Variants in NCOA6 observed in about 807,000 individuals in gnomAD.
NCOA6 encodes the protein nuclear receptor coactivator 6, also known as NRC RAP250.
In NCOA6, 49 loss-of-function variants were observed where a neutral mutation model predicts 171.4. That is an observed-to-expected ratio of 0.29 (90% CI 0.23 to 0.36). The LOEUF is 0.36. Ranked by LOEUF, NCOA6 falls within the 10% of genes least tolerant of loss-of-function variation. The pLI is 1.00. For synonymous variants in NCOA6, 910 were observed against 927.5 expected, an observed-to-expected ratio of 0.98 and a Z score of 0.34; for missense variants, 2,248 against 2,554.5, an observed-to-expected ratio of 0.88 and a Z score of 2.59.
chr20:34,788,003 A>G (rs2077739092), intron 2 of NCOA6, among the ~76,000 whole-genome samples: 1 of 151,834 alleles, frequency 6.6e-6, no homozygotes, highest in South Asian at 2.1e-4. Flanking sequence ...GTTAGCTGAG[A>G]CTACAGGCAG....
In NCOA6 at chr20:34,749,610, T is replaced by A; in HGVS notation, c.2585A>T (p.Asn862Ile). 1.2e-6 allele frequency: 2 copies of A among 1,614,204 alleles called. No homozygotes were observed. Among genetic ancestry groups the A allele is most frequent in the Admixed American group, 1.7e-5 (1 of 60,032 alleles). Residue 862 changes from asparagine (N) to isoleucine (I), a missense_variant, in exon 9 of 15, where the codon AAT (asparagine) becomes ATT (isoleucine). Asn to Ile is a moderately radical substitution (Grantham distance 149, BLOSUM62 -3). Around this residue, in one of 7 missense-constraint regions of NCOA6, gnomAD observed 987 missense variants for 1,104.7 expected, o/e 0.89. Coordinates refer to ENST00000359003, the MANE Select transcript of NCOA6 (RefSeq NM_014071.5). ...SFNAPFSGAP[N>I]GNQMSCGQNP... The stretch of plus-strand genomic sequence containing the variant: ...TTGACCACAGGACATCTGATTTCCA[T>A]TGGGAGCTCCACTGAAAGGTGCATT...
intron 1 of NCOA6, among the ~76,000 whole-genome samples, chr20:34,813,066 G>A (rs557574752): frequency 8.0e-4 from 121 of 152,050 alleles, no homozygotes; most frequent in Non-Finnish European, 1.3e-3. Flanking sequence ...GGCTGAGGCA[G>A]GAGAATTGCT....
chr20:34,736,702 C>T lies in NCOA6; in HGVS notation c.5950G>A (p.Val1984Ile). The T allele has an allele frequency of 6.2e-7, 1 of 1,608,848 alleles. No homozygotes were observed. Among genetic ancestry groups the T allele is most frequent in the Non-Finnish European group, 8.5e-7 (1 of 1,177,174 alleles). The part of the protein sequence containing the change: ...ETSTTALQAS[V>I]ARPELEVNAA... ...AAGTACGCCTTACCTGGTCTGGCAA[C>T]AGAGGCCTGCAGTGCTGTGGTTGAA... Residue 1984 changes from valine to isoleucine, a missense_variant, in exon 12 of 15, where the codon GTT (valine) becomes ATT (isoleucine). Val to Ile is a conservative substitution (Grantham distance 29, BLOSUM62 3). Transcript: ENST00000359003.
At chr20:34,821,108 T>G (rs539954044) in intron 1 of NCOA6, 2 of 104,028 alleles carry the variant, frequency 1.9e-5, no homozygotes, top group Non-Finnish European at 4.7e-5. Context: ...TATCATCATA[T>G]AGACATTGGA....
At position 34,721,933 on chromosome 20, in the gene NCOA6, C is replaced by T. The variant is rs183291552; in HGVS notation, c.6148+5326G>A. Among the ~76,000 whole-genome samples, 182 of 151,544 alleles carry T rather than the reference C, an allele frequency of 1.2e-3. 1 individual carries two copies. The highest frequency in any genetic ancestry group is 4.3e-3 in the African/African-American group (178 of 41,312). ...AGCTAGCCATGGTCATATGTGCCTG[C>T]AGTCTCAATTACTCAGGAGGCTAAG... On this transcript the variant is annotated intron_variant, in intron 14 of 14. Transcript: ENST00000359003.
chr20:34,752,178 G>A (rs189079769), intron 8 of NCOA6, among the ~76,000 whole-genome samples: 1 of 152,088 alleles, frequency 6.6e-6, no homozygotes, highest in Non-Finnish European at 1.5e-5. Flanking sequence ...TTTTAAATGG[G>A]GACTAGAAAA....
intron 2 of NCOA6, among the ~76,000 whole-genome samples, 200 bp from the exon 3 acceptor site, chr20:34,782,604 T>C (rs1243295863): frequency 6.6e-6 from 1 of 152,176 alleles, no homozygotes; most frequent in Non-Finnish European, 1.5e-5. Context: ...AAAAATACAC[T>C]AGTCTTAAAT....
At chr20:34,769,191 T>C (rs949396013) in intron 4 of NCOA6, among the ~76,000 whole-genome samples, 5 of 152,252 alleles carry the variant, frequency 3.3e-5, no homozygotes, top group African/African-American at 4.8e-5. Context: ...CCAATACTTT[T>C]ATAGGTTTTT....
intron 4 of NCOA6, among the ~76,000 whole-genome samples, chr20:34,772,761 G>A (rs1048003462): frequency 3.9e-5 from 6 of 152,082 alleles, no homozygotes; most frequent in Non-Finnish European, 5.9e-5. Context: ...ACAAGGCTGG[G>A]GGATGCACGT....
At chr20:34,747,598 T>C (rs2076345928) in intron 9 of NCOA6, among the ~76,000 whole-genome samples, 1 of 152,186 alleles carries the variant, frequency 6.6e-6, no homozygotes, top group African/African-American at 2.4e-5. Flanking sequence ...ACGGGCCTCA[T>C]TTTGTTTGTA....
chr20:34,738,012 C>T (rs2076008514), intron 11 of NCOA6, among the ~76,000 whole-genome samples: 1 of 152,204 alleles, frequency 6.6e-6, no homozygotes, highest in Non-Finnish European at 1.5e-5. Context: ...AATCCTCCCA[C>T]CTCAGCCTTC....
intron 7 of NCOA6, among the ~76,000 whole-genome samples, chr20:34,756,522 TAAG>T (rs1254269823): frequency 1.3e-5 from 2 of 152,214 alleles, no homozygotes. Flanking sequence ...CAATGATTAA[TAAG>T]AATAAATAAT....
In NCOA6 at chr20:34,740,603, T is replaced by A. The variant is rs771850049; in HGVS notation, c.5653A>T (p.Thr1885Ser). The change falls in exon 11 of 15, where the codon ACT becomes TCT. Residue 1885 changes from threonine (T) to serine (S), a missense_variant. By Grantham distance (58) the Thr-to-Ser change is moderately conservative (BLOSUM62 1). This residue lies in a region of NCOA6 where 884 missense variants were observed against 941.9 expected (regional missense o/e 0.94). Transcript: ENST00000359003. Reference sequence around the variant, plus strand: ...GGGCTAGAGGTCATTTTTAGCAGAGTGGGTGCTGGGGGCGTTGGGGTTTTA... The same window carrying A: ...GGGCTAGAGGTCATTTTTAGCAGAGAGGGTGCTGGGGGCGTTGGGGTTTTA... Reference protein sequence around the residue: ...DSKTPTPPAPTLLKMTSSPVG... With the variant: ...DSKTPTPPAPSLLKMTSSPVG... 1 of 1,613,898 alleles carries A rather than the reference T, an allele frequency of 6.2e-7. No individual in the cohort carries two copies. The highest frequency in any genetic ancestry group is 8.5e-7 in the Non-Finnish European group (1 of 1,179,980).
chr20:34,749,100 G>A (rs1274668374), intron 9 of NCOA6, among the ~76,000 whole-genome samples: 1 of 152,190 alleles, frequency 6.6e-6, no homozygotes, highest in African/African-American at 2.4e-5. Context: ...GGATATGAGA[G>A]TACTAAGGAA....
At chr20:34,725,344 C>T (rs1989833026) in intron 14 of NCOA6, among the ~76,000 whole-genome samples, 1 of 152,178 alleles carries the variant, frequency 6.6e-6, no homozygotes, top group Admixed American at 6.5e-5. Flanking sequence ...GAACCTGGTG[C>T]TGTGATTCCC....
At chr20:34,783,778 A>G (rs1227985903) in intron 2 of NCOA6, among the ~76,000 whole-genome samples, 2 of 152,076 alleles carry the variant, frequency 1.3e-5, no homozygotes, top group African/African-American at 2.4e-5. Context: ...AAGCACCATC[A>G]TGCCTGGCTA....
At chr20:34,800,439 GAAC>G (rs1258737872) in intron 1 of NCOA6, among the ~76,000 whole-genome samples, 3 of 152,100 alleles carry the variant, frequency 2.0e-5, no homozygotes, top group East Asian at 1.9e-4. Context: ...GTGGCTGAAT[GAAC>G]AACAACAACA....
At chr20:34,753,397 C>T (rs1568779260) in intron 8 of NCOA6, among the ~76,000 whole-genome samples, 1 of 151,520 alleles carries the variant, frequency 6.6e-6, no homozygotes, top group Non-Finnish European at 1.5e-5. Context: ...TACAGTGGCT[C>T]ATGCCTGTAA....
intron 2 of NCOA6, among the ~76,000 whole-genome samples, chr20:34,786,059 C>T (rs1299974353): frequency 6.6e-6 from 1 of 152,064 alleles, no homozygotes; most frequent in East Asian, 1.9e-4. Context: ...GTTCAGTCTT[C>T]CTGGTTCAGC....
Sources: gnomAD v4.1 joint callset for allele counts (sites outside exome capture counted in the v4.1 genomes callset) on GRCh38, gnomAD v4.1.1 for gene constraint, gnomAD v4.1.1 regional missense constraint, MANE v1.5 for transcripts, NCBI Gene and HGNC (gene_info 2026-07-23, HGNC 2026-07-21) for gene names.